Variants in CSMD1 observed in about 807,000 individuals in gnomAD.
CSMD1 encodes the protein CUB and sushi domain-containing protein 1.
CSMD1 carries 213 observed loss-of-function variants against 417.5 expected under a neutral mutation model. That is an observed-to-expected ratio of 0.51 (90% CI 0.46 to 0.57). The LOEUF is 0.57. Ranked by LOEUF, CSMD1 falls within the 20% of genes least tolerant of loss-of-function variation. The pLI is 0.00. For synonymous variants in CSMD1, 2,862 were observed against 1,736.8 expected, an observed-to-expected ratio of 1.65 and a Z score of -16.11; for missense variants, 6,923 against 4,529.7, an observed-to-expected ratio of 1.53 and a Z score of -15.17.
intron 3 of CSMD1, among the ~76,000 whole-genome samples, chr8:4,335,724 T>G (rs1005861037): frequency 6.6e-6 from 1 of 152,096 alleles, no homozygotes; most frequent in Admixed American, 6.6e-5. Context: ...TAACAAATAG[T>G]GTACCTTAAT....
At chr8:3,721,286 A>C (rs916609379) in intron 6 of CSMD1, among the ~76,000 whole-genome samples, 32 of 152,098 alleles carry the variant, frequency 2.1e-4, no homozygotes, top group African/African-American at 7.0e-4. Flanking sequence ...CAAGGATCTG[A>C]GATGAGTGGC....
At chr8:4,088,195 C>A (rs960847082) in intron 3 of CSMD1, among the ~76,000 whole-genome samples, 3 of 152,142 alleles carry the variant, frequency 2.0e-5, no homozygotes, top group African/African-American at 7.2e-5. Flanking sequence ...ATGCCCAATC[C>A]CTTCATTAAA....
At chr8:4,387,729 A>AGGATTTTT (rs1803552290) in intron 3 of CSMD1, among the ~76,000 whole-genome samples, 1 of 152,168 alleles carries the variant, frequency 6.6e-6, no homozygotes, top group Non-Finnish European at 1.5e-5. Context: ...TAGCTAAAAT[A>AGGATTTTT]GACATATTTC....
chr8:4,081,226 G>T (rs1800113423), intron 3 of CSMD1, among the ~76,000 whole-genome samples: 2 of 152,114 alleles, frequency 1.3e-5, no homozygotes, highest in Non-Finnish European at 1.5e-5. Flanking sequence ...TATGCAGCAG[G>T]AACAGTCTCA....
At chr8:3,147,254 T>C (rs767765384) in intron 40 of CSMD1, among the ~76,000 whole-genome samples, 1 of 152,228 alleles carries the variant, frequency 6.6e-6, no homozygotes, top group African/African-American at 2.4e-5. Flanking sequence ...TTTTGATTTG[T>C]CATGCTGTTT....
At chr8:3,477,214 T>G (rs567976574) in intron 11 of CSMD1, among the ~76,000 whole-genome samples, 83 of 152,326 alleles carry the variant, frequency 5.4e-4, no homozygotes, top group African/African-American at 1.6e-3. Context: ...CAATATGAGA[T>G]GCCTGGATTT....
At chr8:3,702,852 G>C (rs1246381108) in intron 7 of CSMD1, among the ~76,000 whole-genome samples, 1 of 152,106 alleles carries the variant, frequency 6.6e-6, no homozygotes. Flanking sequence ...TATATACAGT[G>C]TCAGTTTAAT....
At chr8:4,950,166 A>G (rs1250850249) in intron 1 of CSMD1, among the ~76,000 whole-genome samples, 1 of 152,212 alleles carries the variant, frequency 6.6e-6, no homozygotes, top group African/African-American at 2.4e-5. Flanking sequence ...ACTTTTGTAT[A>G]TGATTGTGCT....
In CSMD1 at chr8:4,534,540, G is replaced by A. The variant is rs576432406; in HGVS notation, c.302+102802C>T. On this transcript the variant is annotated intron_variant, in intron 2 of 69. Transcript: ENST00000635120. Reference sequence around the variant, plus strand: ...TTACATGGGTATATTGGATCCAGGTGGTAAGCATAGTACCCAATAGGTAGT... The same window carrying A: ...TTACATGGGTATATTGGATCCAGGTAGTAAGCATAGTACCCAATAGGTAGT... Among the ~76,000 whole-genome samples the A allele has an allele frequency of 2.6e-5, 4 of 152,214 alleles. No individual in the cohort carries two copies. In the South Asian group the frequency reaches 8.3e-4, roughly 32 times the overall value.
intron 5 of CSMD1, among the ~76,000 whole-genome samples, chr8:3,923,064 T>C (rs987264882): frequency 3.9e-5 from 6 of 152,286 alleles, no homozygotes; most frequent in African/African-American, 1.4e-4. Flanking sequence ...GACCCTTTTG[T>C]GTTCCTGGAG....
At chr8:4,051,912 C>CTTTT (rs1271822697) in intron 3 of CSMD1, among the ~76,000 whole-genome samples, 1 of 144,506 alleles carries the variant, frequency 6.9e-6, no homozygotes, top group South Asian at 2.2e-4. Flanking sequence ...TCCTTCCTTC[C>CTTTT]TTTCTTTCTT....
At chr8:4,933,722 G>T (rs1563803884) in intron 1 of CSMD1, among the ~76,000 whole-genome samples, 2 of 152,182 alleles carry the variant, frequency 1.3e-5, no homozygotes, top group South Asian at 4.1e-4. Context: ...TGAATGCACA[G>T]ATGGTGGTGA....
intron 5 of CSMD1, among the ~76,000 whole-genome samples, chr8:3,823,985 C>G (rs1801896168): frequency 6.6e-6 from 1 of 152,070 alleles, no homozygotes; most frequent in Non-Finnish European, 1.5e-5. Context: ...AGTTCTGAAA[C>G]CTAATAATGT....
chr8:3,889,924 C>G (rs984440834), intron 5 of CSMD1, among the ~76,000 whole-genome samples: 1 of 151,980 alleles, frequency 6.6e-6, no homozygotes. Context: ...GCCACATGCC[C>G]GTAGTCTCAG....
chr8:4,701,417 G>C (rs1402733545), intron 1 of CSMD1, among the ~76,000 whole-genome samples: 1 of 150,764 alleles, frequency 6.6e-6, no homozygotes, highest in Non-Finnish European at 1.5e-5. Flanking sequence ...ACTTTGTCCT[G>C]TGCCTGAACC....
At chr8:4,093,056 T>A (rs1418226134) in intron 3 of CSMD1, among the ~76,000 whole-genome samples, 1 of 152,206 alleles carries the variant, frequency 6.6e-6, no homozygotes, top group Non-Finnish European at 1.5e-5. Context: ...TTGCATAGTT[T>A]GAACAAGTTG....
At chr8:3,473,601 G>T (rs1401040390) in intron 11 of CSMD1, among the ~76,000 whole-genome samples, 2 of 152,100 alleles carry the variant, frequency 1.3e-5, no homozygotes, top group African/African-American at 2.4e-5. Flanking sequence ...TTTGAAACAG[G>T]ATTTTCAAAA....
chr8:3,841,492 T>C (rs773520046), intron 5 of CSMD1, among the ~76,000 whole-genome samples: 9 of 152,134 alleles, frequency 5.9e-5, no homozygotes, highest in East Asian at 3.9e-4. Context: ...TCCCTTTTCA[T>C]TGCTCTTCTA....
chr8:4,001,683 G>C (rs544533438), intron 4 of CSMD1, among the ~76,000 whole-genome samples: 16 of 152,206 alleles, frequency 1.1e-4, no homozygotes, highest in African/African-American at 3.1e-4. Context: ...TAGAATTTCC[G>C]TTGATGAATG....
Sources: allele counts gnomAD v4.1 joint callset (sites outside exome capture counted in the v4.1 genomes callset), GRCh38; gene constraint gnomAD v4.1.1; transcripts MANE v1.5; gene names NCBI Gene and HGNC (gene_info 2026-07-23, HGNC 2026-07-21).